The following FAM227B variants were observed in gnomAD, a reference collection of about 807,000 sequenced individuals.
FAM227B encodes the protein family with sequence similarity 227 member B, also known as protein FAM227B.
A neutral mutation model predicts 73.8 loss-of-function variants in FAM227B; 88 were observed. The observed-to-expected ratio is 1.19, with a 90% CI of 1.00 to 1.42. The LOEUF (loss-of-function observed/expected upper bound fraction) is 1.42. Among genes scored for constraint, FAM227B ranks in the 40% most tolerant of loss-of-function variants. The pLI is 0.00. For synonymous variants in FAM227B, 210 were observed against 190.5 expected, an observed-to-expected ratio of 1.10 and a Z score of -0.84; for missense variants, 632 against 590.9, an observed-to-expected ratio of 1.07 and a Z score of -0.72.
chr15:49,465,807 T>G (rs889106848), intron 11 of FAM227B, among the ~76,000 whole-genome samples: 5 of 152,190 alleles, frequency 3.3e-5, no homozygotes, highest in African/African-American at 1.2e-4. Context: ...TTTTCGACAT[T>G]TAGTATGATT....
At chr15:49,589,433 A>G (rs1050210203) in intron 4 of FAM227B, among the ~76,000 whole-genome samples, 3 of 152,074 alleles carry the variant, frequency 2.0e-5, no homozygotes, top group Non-Finnish European at 2.9e-5. Flanking sequence ...TTGAAACCAC[A>G]TATTTCTGTT....
At chr15:49,569,785 T>C (rs1283276373) in intron 8 of FAM227B, among the ~76,000 whole-genome samples, 1 of 151,978 alleles carries the variant, frequency 6.6e-6, no homozygotes, top group African/African-American at 2.4e-5. Flanking sequence ...CCCATTGCCA[T>C]TCAGCCCAGC....
intron 11 of FAM227B, among the ~76,000 whole-genome samples, chr15:49,406,616 G>C (rs1012747278): frequency 6.6e-6 from 1 of 152,004 alleles, no homozygotes; most frequent in African/African-American, 2.4e-5. Flanking sequence ...GCCGGCCAAG[G>C]CTCCAACTGC....
Position 49,403,181 on chromosome 15 carries a change from C to T in FAM227B, c.1013-31782G>A, listed in dbSNP as rs901979400. Reference sequence around the variant, plus strand: ...GGATGTGCTGCTCGATTTAGTTTGCCAGTATTTGGTTGAGGATTTTTGCAT... The same window carrying T: ...GGATGTGCTGCTCGATTTAGTTTGCTAGTATTTGGTTGAGGATTTTTGCAT... On this transcript the variant is annotated intron_variant, in intron 11 of 15. Coordinates refer to ENST00000299338, the MANE Select transcript of FAM227B (RefSeq NM_152647.3). Among the ~76,000 whole-genome samples the T allele has an allele frequency of 2.0e-5, 3 of 152,084 alleles. 1 individual carries two copies. Among genetic ancestry groups the T allele is most frequent in the African/African-American group, 7.2e-5 (3 of 41,398 alleles).
chr15:49,620,744 TTTG>T lies in FAM227B; in HGVS notation c.-120_-118del, dbSNP rs2078654897. On this transcript the variant is annotated 5_prime_UTR_variant, in exon 1 of 16. Coordinates refer to ENST00000299338, the MANE Select transcript of FAM227B (RefSeq NM_152647.3). ...TATGTTTCGAGAACCGCTTCCCAATTTTGTTGTCCCAGCAAGAATCGGGAGGAA... is the reference window on the plus strand; with the variant it reads ...TATGTTTCGAGAACCGCTTCCCAATTTTGTCCCAGCAAGAATCGGGAGGAA... 6.6e-6 allele frequency: 1 copy of T among 152,238 alleles called. No homozygotes were observed. The highest frequency in any genetic ancestry group is 2.1e-4 in the South Asian group (1 of 4,832). The allele number at this position is 152,238 out of a possible 1,614,324, so 9.4% of individuals were successfully genotyped here.
chr15:49,573,617 C>T (rs929877731), intron 8 of FAM227B, among the ~76,000 whole-genome samples: 1 of 152,128 alleles, frequency 6.6e-6, no homozygotes, highest in Non-Finnish European at 1.5e-5. Context: ...TACTTGCTGC[C>T]AAGGGATGAT....
intron 11 of FAM227B, among the ~76,000 whole-genome samples, chr15:49,396,844 T>C (rs1037933750): frequency 6.6e-6 from 1 of 151,986 alleles, no homozygotes; most frequent in African/African-American, 2.4e-5. Flanking sequence ...AAAACCCATC[T>C]GTACATCACC....
chr15:49,359,397 A>G lies in FAM227B; in HGVS notation c.1271+8051T>C, dbSNP rs375993109. Among the ~76,000 whole-genome samples the G allele has an allele frequency of 3.4e-5, 4 of 117,376 alleles. 1 individual carries two copies. Among genetic ancestry groups the G allele is most frequent in the Non-Finnish European group, 7.5e-5 (4 of 53,404 alleles). The allele number at this position is 117,376 out of a possible 152,430, so 77.0% of individuals were successfully genotyped here. ...AAACTCAAACAAATTTACAAGAAAA[A>G]AACAAACAACCCCATCAAATAGTGG... On this transcript the variant is annotated intron_variant, in intron 13 of 15. Transcript: ENST00000299338.
intron 9 of FAM227B, among the ~76,000 whole-genome samples, chr15:49,554,914 C>T (rs1414439690): frequency 3.9e-5 from 6 of 152,012 alleles, no homozygotes; most frequent in East Asian, 3.8e-4. Context: ...GCAACTTCTG[C>T]TTCTTTTCTG....
At chr15:49,543,612 A>G (rs2071391972) in intron 9 of FAM227B, among the ~76,000 whole-genome samples, 1 of 152,014 alleles carries the variant, frequency 6.6e-6, no homozygotes, top group Admixed American at 6.6e-5. Context: ...TTTCAATGTT[A>G]TCTTCTAGAA....
At chr15:49,503,823 T>C (rs1194285715) in intron 11 of FAM227B, among the ~76,000 whole-genome samples, 1 of 152,210 alleles carries the variant, frequency 6.6e-6, no homozygotes, top group Admixed American at 6.5e-5. Flanking sequence ...TTTACACTGT[T>C]GGTGGGACTG....
intron 3 of FAM227B, among the ~76,000 whole-genome samples, chr15:49,591,484 C>CTTTTT (rs71120696): frequency 2.9e-4 from 16 of 55,342 alleles, no homozygotes; most frequent in Non-Finnish European, 4.8e-4. Context: ...CCCTTCCTTC[C>CTTTTT]TTTTTTTTTT....
At chr15:49,594,613 T>G (rs1221566469) in intron 3 of FAM227B, among the ~76,000 whole-genome samples, 1 of 152,158 alleles carries the variant, frequency 6.6e-6, no homozygotes, top group East Asian at 1.9e-4. Context: ...TGGTGAGACA[T>G]GAGGATCCAG....
intron 13 of FAM227B, chr15:49,366,078 T>C (rs1005754990): frequency 3.6e-6 from 3 of 831,204 alleles, no homozygotes; most frequent in Non-Finnish European, 6.4e-6. Context: ...CTATCTTCAG[T>C]TGTCACTGCT....
chr15:49,588,148 A>G, intron 4 of FAM227B, 65 bp from the exon 5 acceptor site: 3 of 959,622 alleles, frequency 3.1e-6, no homozygotes, highest in Non-Finnish European at 4.2e-6. Flanking sequence ...AAAATAAACA[A>G]AATTTTAAAT....
intron 11 of FAM227B, among the ~76,000 whole-genome samples, chr15:49,471,829 A>G (rs1266198119): frequency 6.6e-6 from 1 of 152,140 alleles, no homozygotes; most frequent in African/African-American, 2.4e-5. Flanking sequence ...ACGTGTATCA[A>G]GATCTAAAGG....
chr15:49,602,300 G>A (rs1408755652), intron 3 of FAM227B, among the ~76,000 whole-genome samples: 1 of 152,042 alleles, frequency 6.6e-6, no homozygotes, highest in African/African-American at 2.4e-5. Context: ...ATCCTCACTA[G>A]CATTTGTTAT....
At chr15:49,581,266 A>C (rs1411606379) in intron 5 of FAM227B, among the ~76,000 whole-genome samples, 2 of 152,194 alleles carry the variant, frequency 1.3e-5, no homozygotes, top group Non-Finnish European at 2.9e-5. Flanking sequence ...TCTCCAGGCT[A>C]ACAGCAGACC....
intron 9 of FAM227B, among the ~76,000 whole-genome samples, chr15:49,559,346 A>G (rs983481350): frequency 6.6e-6 from 1 of 152,068 alleles, no homozygotes; most frequent in African/African-American, 2.4e-5. Context: ...CTCCAACCCC[A>G]CAGAACAGGA....
Sources: allele counts gnomAD v4.1 joint callset (sites outside exome capture counted in the v4.1 genomes callset), GRCh38; gene constraint gnomAD v4.1.1; transcripts MANE v1.5; gene names NCBI Gene and HGNC (gene_info 2026-07-23, HGNC 2026-07-21).